SNTG1: variants seen among roughly 807,000 people sequenced by gnomAD.
SNTG1 encodes syntrophin gamma 1, also known as gamma-1-syntrophin.
In SNTG1, 39 loss-of-function variants were observed where a neutral mutation model predicts 74.7. That is an observed-to-expected ratio of 0.52 (90% CI 0.40 to 0.68). The LOEUF (loss-of-function observed/expected upper bound fraction) is 0.68, where lower values mean the gene tolerates loss of function less well. Among genes scored for constraint, SNTG1 ranks in the 30% least tolerant of loss-of-function variants. The probability of loss-of-function intolerance (pLI) is 0.00; values close to 1 mark genes in which losing one functional copy is unlikely to be tolerated. For missense variants in SNTG1, 685 were observed against 609.5 expected, an observed-to-expected ratio of 1.12 and a Z score of -1.30; for synonymous variants, 254 against 217.1, an observed-to-expected ratio of 1.17 and a Z score of -1.49.
chr8:50,517,616 C>CAAAAAA (rs1161724778), intron 9 of SNTG1, among the ~76,000 whole-genome samples: 10 of 62,326 alleles, frequency 1.6e-4, no homozygotes, highest in Admixed American at 2.0e-4. Context: ...AAATGGAAAG[C>CAAAAAA]AAAAAAAAAA....
chr8:49,962,663 T>A (rs1810796062), intron 1 of SNTG1, among the ~76,000 whole-genome samples: 1 of 152,106 alleles, frequency 6.6e-6, no homozygotes, highest in South Asian at 2.1e-4. Context: ...TGATGTGACC[T>A]CAACTCACTG....
chr8:50,590,879 A>T lies in SNTG1; in HGVS notation c.811A>T (p.Ile271Phe). Residue 271 changes from isoleucine (I) to phenylalanine (F), a missense_variant and splice_region_variant, in exon 13 of 19, where the codon ATT (isoleucine) becomes TTT (phenylalanine). Ile to Phe is a conservative substitution (Grantham distance 21). Coordinates refer to ENST00000642720, the MANE Select transcript of SNTG1 (RefSeq NM_018967.5). ...TNISNLTKHNIKKINRNFPVN... is the reference protein window; with the variant it reads ...TNISNLTKHNFKKINRNFPVN... ...TTTTATTATTTATTTATCATTGCAG[A>T]TTAAAAAAATCAACAGAAACTTTCC... 1 of 1,559,836 alleles carries T rather than the reference A, an allele frequency of 6.4e-7. No homozygotes were observed. Among genetic ancestry groups the T allele is most frequent in the Non-Finnish European group, 8.7e-7 (1 of 1,145,228 alleles).
intron 8 of SNTG1, among the ~76,000 whole-genome samples, chr8:50,494,905 T>C (rs1018629876): frequency 2.0e-5 from 3 of 152,110 alleles, no homozygotes; most frequent in Non-Finnish European, 4.4e-5. Flanking sequence ...GGTGGCTCTT[T>C]TCTATATTGA....
At chr8:49,922,104 C>T (rs1054342501) in intron 1 of SNTG1, among the ~76,000 whole-genome samples, 1 of 152,190 alleles carries the variant, frequency 6.6e-6, no homozygotes, top group South Asian at 2.1e-4. Flanking sequence ...CCCATCTAAA[C>T]TTTGTTAGTA....
At chr8:50,343,139 C>T (rs115302948) in intron 2 of SNTG1, among the ~76,000 whole-genome samples, 131 of 152,260 alleles carry the variant, frequency 8.6e-4, no homozygotes, top group Middle Eastern at 3.4e-3. Context: ...GGATTTATGT[C>T]GCTCATAGGA....
chr8:49,978,187 A>G (rs1317823667), intron 1 of SNTG1, among the ~76,000 whole-genome samples: 1 of 152,114 alleles, frequency 6.6e-6, no homozygotes, highest in African/African-American at 2.4e-5. Context: ...GAGATTTGAA[A>G]CAACTAATTC....
At chr8:50,105,743 C>T (rs967278905) in intron 1 of SNTG1, among the ~76,000 whole-genome samples, 5 of 151,992 alleles carry the variant, frequency 3.3e-5, no homozygotes, top group African/African-American at 1.2e-4. Flanking sequence ...AGAGAAATTT[C>T]GCTTTCCTGG....
intron 15 of SNTG1, among the ~76,000 whole-genome samples, chr8:50,662,906 G>T (rs919678358): frequency 1.3e-5 from 2 of 152,120 alleles, no homozygotes; most frequent in Admixed American, 1.3e-4. Context: ...CAGTTACTTC[G>T]AGTACCTTCT....
At chr8:50,362,515 TC>T (rs1024920717) in intron 2 of SNTG1, among the ~76,000 whole-genome samples, 12 of 151,102 alleles carry the variant, frequency 7.9e-5, no homozygotes, top group Non-Finnish European at 1.8e-4. Context: ...ATAAAGATAG[TC>T]TTTTTTTTTT....
At chr8:50,670,852 T>C (rs1432518291) in intron 15 of SNTG1, among the ~76,000 whole-genome samples, 14 of 147,498 alleles carry the variant, frequency 9.5e-5, no homozygotes, top group African/African-American at 3.5e-4. Flanking sequence ...GAGATATAGA[T>C]CAATGGAACA....
intron 1 of SNTG1, among the ~76,000 whole-genome samples, chr8:50,074,457 T>C (rs1318622227): frequency 1.3e-5 from 2 of 152,174 alleles, no homozygotes; most frequent in African/African-American, 4.8e-5. Context: ...ATTTCAATAT[T>C]GTTGTGGCTT....
intron 18 of SNTG1, among the ~76,000 whole-genome samples, chr8:50,768,280 T>C (rs1563821169): frequency 6.6e-6 from 1 of 152,178 alleles, no homozygotes; most frequent in East Asian, 1.9e-4. Context: ...ATCTTCATTT[T>C]CTCATTGTAA....
intron 2 of SNTG1, among the ~76,000 whole-genome samples, chr8:50,344,850 A>G (rs1409007285): frequency 6.6e-6 from 1 of 152,202 alleles, no homozygotes; most frequent in Admixed American, 6.5e-5. Context: ...TGACTGTATT[A>G]CAAGATACGG....
chr8:50,304,193 G>T (rs951494532), intron 2 of SNTG1, among the ~76,000 whole-genome samples: 1 of 152,212 alleles, frequency 6.6e-6, no homozygotes, highest in African/African-American at 2.4e-5. Flanking sequence ...TTCCGGAGAA[G>T]AGAATAGGTT....
chr8:50,190,343 G>A (rs1364791190), intron 2 of SNTG1, among the ~76,000 whole-genome samples: 1 of 152,096 alleles, frequency 6.6e-6, no homozygotes, highest in East Asian at 1.9e-4. Context: ...AGAACAAAAG[G>A]TGGTAATATT....
At chr8:50,120,664 C>T (rs1397177355) in intron 1 of SNTG1, among the ~76,000 whole-genome samples, 1 of 142,140 alleles carries the variant, frequency 7.0e-6, no homozygotes, top group African/African-American at 2.5e-5. Context: ...ACCACTATTA[C>T]CGCTGTTATC....
At chr8:49,975,851 G>T (rs987099545) in intron 1 of SNTG1, among the ~76,000 whole-genome samples, 1 of 151,424 alleles carries the variant, frequency 6.6e-6, no homozygotes, top group Non-Finnish European at 1.5e-5. Context: ...TAAATTAATG[G>T]GATTGAGAAT....
chr8:49,913,657 T>C (rs1805771526), intron 1 of SNTG1, among the ~76,000 whole-genome samples: 1 of 152,212 alleles, frequency 6.6e-6, no homozygotes, highest in African/African-American at 2.4e-5. Flanking sequence ...TGATTTGGAT[T>C]CCTTCCCAGA....
At chr8:50,661,226 T>C (rs796155526) in intron 15 of SNTG1, among the ~76,000 whole-genome samples, 2 of 152,270 alleles carry the variant, frequency 1.3e-5, no homozygotes, top group African/African-American at 4.8e-5. Context: ...AAGACAAAAA[T>C]AGTAAGTAAA....
Sources: allele counts gnomAD v4.1 joint callset (sites outside exome capture counted in the v4.1 genomes callset), GRCh38; gene constraint gnomAD v4.1.1; transcripts MANE v1.5; gene names NCBI Gene and HGNC (gene_info 2026-07-23, HGNC 2026-07-21).